The following WDR26 variants were observed in gnomAD, a reference collection of about 807,000 sequenced individuals.
WDR26 encodes WD repeat domain 26.
In WDR26, 5 loss-of-function variants were observed where a neutral mutation model predicts 84.1. The observed-to-expected ratio is 0.06, with a 90% CI of 0.03 to 0.13. The LOEUF is 0.13. Among genes scored for constraint, WDR26 ranks in the 10% least tolerant of loss-of-function variants. The pLI, the probability that WDR26 is intolerant of heterozygous loss-of-function variation, is 1.00. For missense variants in WDR26, 642 were observed against 974.9 expected (o/e 0.66, Z 4.55); for synonymous variants, 415 against 389.6 (o/e 1.07, Z -0.77).
Position 224,393,950 on chromosome 1 carries a change from G to A in WDR26, c.2138C>T (p.Thr713Ile), listed in dbSNP as rs1214451603. The A allele has an allele frequency of 6.4e-7, 1 of 1,570,764 alleles. No homozygotes were observed. Among genetic ancestry groups the A allele is most frequent in the African/African-American group, 1.3e-5 (1 of 74,544 alleles). Residue 713 changes from threonine (T) to isoleucine (I), a missense_variant, in exon 13 of 14, where the codon ACA becomes ATA. Physicochemically the swap from Thr to Ile is moderately conservative, Grantham distance 89. Transcript: ENST00000414423. ...CCAGCTCACACAGTTTACTGTACGT[G>A]TGTGCCCTGTCAGCTCCGCAATTGG...
Position 224,419,510 on chromosome 1 carries a change from A to G in WDR26, c.1162+8T>C, listed in dbSNP as rs1420420177. ...AAACACAGCAACATAAAAAATTAAG[A>G]CTCTTACTCTGAAGTTTATCCAATA... is the stretch of plus-strand genomic sequence containing the variant. On this transcript the variant is annotated splice_region_variant and intron_variant, in intron 5 of 13. Coordinates refer to ENST00000414423, the MANE Select transcript of WDR26 (RefSeq NM_001379403.1). The G allele has an allele frequency of 6.2e-7, 1 of 1,606,516 alleles. No individual in the cohort carries two copies. Among genetic ancestry groups the G allele is most frequent in the Non-Finnish European group, 8.5e-7 (1 of 1,173,770 alleles).
intron 7 of WDR26, among the ~76,000 whole-genome samples, chr1:224,410,278 T>C (rs1281246818): frequency 1.3e-4 from 6 of 47,240 alleles, no homozygotes; most frequent in African/African-American, 3.6e-4. Flanking sequence ...CGAGACTTTG[T>C]CTCAAAAAAA....
At position 224,424,442 on chromosome 1, in the gene WDR26, T is replaced by C. The variant is rs1184854137; in HGVS notation, c.1064+76A>G. The C allele has an allele frequency of 2.6e-6, 4 of 1,559,132 alleles. No individual in the cohort carries two copies. In the South Asian group the frequency reaches 3.6e-5, roughly 14 times the overall value. On this transcript the variant is annotated intron_variant, in intron 4 of 13. Transcript: ENST00000414423. ...AAGAATTTAGCAATAATCAAGATTT[T>C]ATATTTTGGAAAAATGTTAAAGAAA...
Position 224,424,691 on chromosome 1 carries a change from T to C in WDR26, c.928-37A>G, listed in dbSNP as rs113274616. 1.2e-5 allele frequency: 20 copies of C among 1,613,554 alleles called. No individual in the cohort carries two copies. In the African/African-American group the frequency reaches 2.3e-4, roughly 18 times the overall value. ...GAAAGCAGCAGTCAGGGGAAAAAAGTTGATGGAAGTTTCAGAAAATGTTTG... is the reference window on the plus strand; with the variant it reads ...GAAAGCAGCAGTCAGGGGAAAAAAGCTGATGGAAGTTTCAGAAAATGTTTG... On this transcript the variant is annotated intron_variant, in intron 3 of 13. Coordinates refer to ENST00000414423, the MANE Select transcript of WDR26 (RefSeq NM_001379403.1).
At chr1:224,414,563 G>A (rs528079586) in intron 6 of WDR26, among the ~76,000 whole-genome samples, 2 of 152,162 alleles carry the variant, frequency 1.3e-5, no homozygotes, top group South Asian at 4.1e-4. Context: ...TCAAAGCTAA[G>A]ATTTAATTTC....
chr1:224,392,990 T>C (rs936813135), intron 13 of WDR26, among the ~76,000 whole-genome samples: 2 of 152,250 alleles, frequency 1.3e-5, no homozygotes, highest in African/African-American at 2.4e-5. Context: ...CCAAACATTT[T>C]ACGTGCTCTA....
At chr1:224,410,176 G>C (rs1239554023) in intron 7 of WDR26, among the ~76,000 whole-genome samples, 2 of 151,282 alleles carry the variant, frequency 1.3e-5, no homozygotes, top group Non-Finnish European at 2.9e-5. Flanking sequence ...AGCTACTCGG[G>C]AGGCTGAGGC....
intron 6 of WDR26, among the ~76,000 whole-genome samples, chr1:224,417,530 C>T (rs1385840346): frequency 6.6e-6 from 1 of 152,136 alleles, no homozygotes; most frequent in East Asian, 1.9e-4. Context: ...GCAAGAGACC[C>T]CATCTCTACA....
chr1:224,392,902 A>T (rs1246333569), intron 13 of WDR26, among the ~76,000 whole-genome samples: 2 of 141,546 alleles, frequency 1.4e-5, no homozygotes, highest in Non-Finnish European at 1.6e-5. Flanking sequence ...CTTTCTCACT[A>T]AAAAAAAAAA....
intron 3 of WDR26, among the ~76,000 whole-genome samples, chr1:224,427,645 G>A (rs993710438): frequency 3.9e-5 from 6 of 152,136 alleles, no homozygotes; most frequent in Non-Finnish European, 8.8e-5. Flanking sequence ...TCCTGGTATT[G>A]TGCATGGCAA....
chr1:224,405,096 C>T (rs1267082707), intron 7 of WDR26, among the ~76,000 whole-genome samples: 1 of 152,164 alleles, frequency 6.6e-6, no homozygotes, highest in Admixed American at 6.5e-5. Context: ...CATACCCCTC[C>T]CTGCAGCCCC....
intron 7 of WDR26, among the ~76,000 whole-genome samples, chr1:224,407,450 C>T (rs1475241851): frequency 1.4e-5 from 2 of 148,090 alleles, no homozygotes; most frequent in Admixed American, 1.3e-4. Context: ...GTACTTTTTT[C>T]TCTCCATTAA....
chr1:224,404,046 G>A (rs1052332026), intron 8 of WDR26, among the ~76,000 whole-genome samples: 15 of 152,286 alleles, frequency 9.8e-5, no homozygotes, highest in Admixed American at 1.3e-4. Flanking sequence ...TATAGGCAAG[G>A]AGATGGTGCA....
chr1:224,407,122 T>TAAAAAAAA (rs1158264938), intron 7 of WDR26, among the ~76,000 whole-genome samples: 1 of 11,684 alleles, frequency 8.6e-5, no homozygotes, highest in Non-Finnish European at 1.4e-4. Context: ...ACTCTGTCTT[T>TAAAAAAAA]AAAAAAAAAA....
chr1:224,416,479 G>A (rs1673908302), intron 6 of WDR26, among the ~76,000 whole-genome samples: 1 of 152,166 alleles, frequency 6.6e-6, no homozygotes, highest in African/African-American at 2.4e-5. Flanking sequence ...ACCCACCTCA[G>A]CCTCCCATAG....
chr1:224,431,846 C>A, intron 1 of WDR26, 65 bp from the exon 2 acceptor site: 1 of 1,299,876 alleles, frequency 7.7e-7, no homozygotes. Flanking sequence ...TTCAAATAAA[C>A]TAATGTCCAT....
intron 12 of WDR26, among the ~76,000 whole-genome samples, chr1:224,396,085 ATC>A (rs1397539711): frequency 6.6e-6 from 1 of 152,216 alleles, no homozygotes; most frequent in Non-Finnish European, 1.5e-5. Context: ...TACTCGCTAT[ATC>A]TGATTGATGT....
At chr1:224,393,665 CTACT>C (rs1673183266) in intron 13 of WDR26, among the ~76,000 whole-genome samples, 159 bp downstream of exon 13, 1 of 152,148 alleles carries the variant, frequency 6.6e-6, no homozygotes, top group African/African-American at 2.4e-5. Context: ...GGCTCTTACA[CTACT>C]TAAACTCATT....
At chr1:224,425,746 C>T (rs959484143) in intron 3 of WDR26, among the ~76,000 whole-genome samples, 1 of 152,138 alleles carries the variant, frequency 6.6e-6, no homozygotes, top group African/African-American at 2.4e-5. Flanking sequence ...ACAGAGACAT[C>T]AGTAGGTAGG....
Sources: gnomAD v4.1 joint callset for allele counts (sites outside exome capture counted in the v4.1 genomes callset) on GRCh38, gnomAD v4.1.1 for gene constraint, MANE v1.5 for transcripts, NCBI Gene and HGNC (gene_info 2026-07-23, HGNC 2026-07-21) for gene names.